The following SYNE1 variants were observed in gnomAD, a reference collection of about 807,000 sequenced individuals.
SYNE1 encodes the protein spectrin repeat containing nuclear envelope protein 1.
Under a neutral mutation model 1,111.0 loss-of-function variants are expected in SYNE1, and 616 were observed. The observed-to-expected ratio is 0.55, with a 90% CI of 0.52 to 0.59. The LOEUF is 0.59. SYNE1 is among the 20% of genes least tolerant of loss of function. The pLI, the probability that SYNE1 is intolerant of heterozygous loss-of-function variation, is 0.00. For missense variants in SYNE1, 10,006 were observed against 10,417.0 expected, an observed-to-expected ratio of 0.96 and a Z score of 1.72; for synonymous variants, 3,855 against 3,825.8, an observed-to-expected ratio of 1.01 and a Z score of -0.28.
intron 141 of SYNE1, 75 bp downstream of exon 141, chr6:152,136,543 A>G: frequency 6.4e-7 from 1 of 1,574,394 alleles, no homozygotes. Context: ...AGAAACCATG[A>G]TACATCAAGT....
Position 152,404,307 on chromosome 6 carries a change from A to C in SYNE1, c.6731T>G (p.Val2244Gly), listed in dbSNP as rs747485399. Residue 2244 changes from valine (V) to glycine (G), a missense_variant, in exon 46 of 146, where the codon GTT becomes GGT. Val to Gly is a moderately radical substitution (Grantham distance 109, BLOSUM62 -3). Transcript: ENST00000367255. ...EELLKEFESE[V>G]KNKALRLEEL... is the part of the protein sequence containing the mutation. ...TTCCAATCTCAATGCTTTGTTTTTA[A>C]CTTCAGACTGCCAAAAGGGAAGAAA... 4 of 1,610,550 alleles carry C rather than the reference A, an allele frequency of 2.5e-6. No homozygotes were observed. Among genetic ancestry groups the C allele is most frequent in the Non-Finnish European group, 3.4e-6 (4 of 1,178,160 alleles).
chr6:152,269,228 C>T lies in SYNE1; in HGVS notation c.18632G>A (p.Gly6211Asp). ...DVDLTATQSP[G>D]VQEWLAQART... ...AGCTTGGGCCAGCCATTCCTGGACG[C>T]CGGGGCTCTGCGTGGCTGTTAGGTC... The change falls in exon 99 of 146, where the codon GGC becomes GAC. Residue 6211 changes from glycine (G) to aspartate (D), a missense_variant. Around this residue, in one of 7 missense-constraint regions of SYNE1, gnomAD observed 2,182 missense variants for 2,287.8 expected, o/e 0.95. Transcript: ENST00000367255. 1 of 1,614,186 alleles carries T rather than the reference C, an allele frequency of 6.2e-7. No individual in the cohort carries two copies. Among genetic ancestry groups the T allele is most frequent in the Non-Finnish European group, 8.5e-7 (1 of 1,180,036 alleles).
chr6:152,622,692 G>A (rs559913051), intron 3 of SYNE1, among the ~76,000 whole-genome samples: 2 of 152,244 alleles, frequency 1.3e-5, no homozygotes, highest in East Asian at 3.9e-4. Context: ...TTGATGCAAT[G>A]TCTTTACTAT....
At chr6:152,574,181 T>C (rs1369603989) in intron 3 of SYNE1, among the ~76,000 whole-genome samples, 2 of 134,576 alleles carry the variant, frequency 1.5e-5, no homozygotes, top group African/African-American at 3.0e-5. Context: ...TACACACATA[T>C]ATATATACAC....
chr6:152,362,465 C>G (rs2096950021), intron 63 of SYNE1, 142 bp from the exon 64 acceptor site: 2 of 1,116,454 alleles, frequency 1.8e-6, no homozygotes, highest in Non-Finnish European at 1.3e-6. Flanking sequence ...GCAGGCTGCC[C>G]AGGGCTTAAG....
chr6:152,156,447 T>C (rs748646224), intron 131 of SYNE1, among the ~76,000 whole-genome samples: 3 of 152,198 alleles, frequency 2.0e-5, no homozygotes, highest in Non-Finnish European at 4.4e-5. Context: ...AATCATCATC[T>C]CTTAGTATCT....
At position 152,465,329 on chromosome 6, in the gene SYNE1, T is replaced by C. The variant is rs146618884; in HGVS notation, c.1861A>G (p.Thr621Ala). 4.3e-6 allele frequency: 7 copies of C among 1,613,784 alleles called. No homozygotes were observed. In the African/African-American group the frequency reaches 6.7e-5, roughly 15 times the overall value. ...VISNWDRYGN[T>A]VASLQAWLED... The stretch of plus-strand genomic sequence containing the variant: ...AGCCAGGCTTGCAGACTAGCCACTG[T>C]ATTGCCATAGCGATCCCAGTTAGAG... Residue 621 changes from threonine (T) to alanine (A), a missense_variant, in exon 18 of 146, where the codon ACA (threonine) becomes GCA (alanine). Coordinates refer to ENST00000367255, the MANE Select transcript of SYNE1 (RefSeq NM_182961.4).
At chr6:152,520,115 C>T (rs550718404) in intron 6 of SYNE1, among the ~76,000 whole-genome samples, 52 of 152,130 alleles carry the variant, frequency 3.4e-4, no homozygotes, top group African/African-American at 1.2e-3. Flanking sequence ...TAGAGTGGGT[C>T]CTGGAACAGA....
chr6:152,428,580 A>G (rs1001380296), intron 36 of SYNE1, among the ~76,000 whole-genome samples, 188 bp from the exon 37 acceptor site: 3 of 152,214 alleles, frequency 2.0e-5, no homozygotes, highest in African/African-American at 7.2e-5. Flanking sequence ...TAGTAGGGGG[A>G]CTATAGGTTA....
At chr6:152,140,203 C>T (rs2058234915) in intron 139 of SYNE1, 42 bp from the exon 140 acceptor site, 1 of 1,596,754 alleles carries the variant, frequency 6.3e-7, no homozygotes, top group East Asian at 2.2e-5. Flanking sequence ...TTTTCCTCTA[C>T]ATGTGATGTT....
At chr6:152,222,423 C>T (rs1325719369) in intron 117 of SYNE1, among the ~76,000 whole-genome samples, 2 of 152,182 alleles carry the variant, frequency 1.3e-5, no homozygotes, top group African/African-American at 4.8e-5. Context: ...TACATACCCG[C>T]AGTGCTTCTA....
At chr6:152,511,711 A>C in intron 6 of SYNE1, 1 of 1,018,364 alleles carries the variant, frequency 9.8e-7, no homozygotes. Context: ...GACTGTGGTA[A>C]TACGTTTTAA....
At chr6:152,492,121 GC>G (rs1564424542) in intron 11 of SYNE1, among the ~76,000 whole-genome samples, 4 of 152,172 alleles carry the variant, frequency 2.6e-5, no homozygotes. Flanking sequence ...TAAAAGCCCA[GC>G]CCAGTTCATG....
Position 152,398,690 on chromosome 6 carries a change from C to G in SYNE1, c.7279G>C (p.Ala2427Pro). The change falls in exon 49 of 146, where the codon GCA becomes CCA. Residue 2427 changes from alanine to proline, a missense_variant. Ala to Pro is a conservative substitution (Grantham distance 27). Around this residue, in one of 7 missense-constraint regions of SYNE1, gnomAD observed 4,955 missense variants for 5,017.2 expected, o/e 0.99. Transcript: ENST00000367255. ...CGATCTGATGATTCTTTTGCTGCTG[C>G]CTTTGCTCCCAAAAACCATTCTTGG... is the stretch of plus-strand genomic sequence containing the variant. Reference protein sequence around the residue: ...EFQEWFLGAKAAAKESSDRTG... With the variant: ...EFQEWFLGAKPAAKESSDRTG... 2 of 1,613,912 alleles carry G rather than the reference C, an allele frequency of 1.2e-6. No homozygotes were observed. Among genetic ancestry groups the G allele is most frequent in the Non-Finnish European group, 1.7e-6 (2 of 1,179,880 alleles).
At chr6:152,154,795 CAT>C (rs1216985750) in intron 133 of SYNE1, 95 bp downstream of exon 133, 15 of 1,372,798 alleles carry the variant, frequency 1.1e-5, no homozygotes, top group South Asian at 1.1e-4. Context: ...GAGCAGATAA[CAT>C]GTGGTGAACA....
At chr6:152,611,630 C>G (rs925358229) in intron 3 of SYNE1, among the ~76,000 whole-genome samples, 7 of 152,176 alleles carry the variant, frequency 4.6e-5, no homozygotes, top group African/African-American at 1.7e-4. Context: ...TTGAACTCAG[C>G]TCTGCACCAA....
In SYNE1 at chr6:152,453,711, T is replaced by C; in HGVS notation, c.2902A>G (p.Ser968Gly). The C allele has an allele frequency of 6.2e-7, 1 of 1,614,120 alleles. No homozygotes were observed. The highest frequency in any genetic ancestry group is 8.5e-7 in the Non-Finnish European group (1 of 1,180,030). Residue 968 changes from serine to glycine, a missense_variant, in exon 25 of 146, where the codon AGT becomes GGT. Physicochemically the swap from Ser to Gly is moderately conservative, Grantham distance 56. This residue lies in a region of SYNE1 where 1,971 missense variants were observed against 2,084.1 expected (regional missense o/e 0.95). Coordinates refer to ENST00000367255, the MANE Select transcript of SYNE1 (RefSeq NM_182961.4). ...TTGAGCACCCTCTGATCCAGCTGACTGAAAAACTCCTGACATGGAAGGGGA... is the reference window on the plus strand; with the variant it reads ...TTGAGCACCCTCTGATCCAGCTGACCGAAAAACTCCTGACATGGAAGGGGA... Reference protein sequence around the residue: ...ELLRRHTEFFSQLDQRVLNAF... With the variant: ...ELLRRHTEFFGQLDQRVLNAF...
At chr6:152,286,203 C>A (rs143795115) in intron 95 of SYNE1, among the ~76,000 whole-genome samples, 39 of 152,168 alleles carry the variant, frequency 2.6e-4, no homozygotes, top group African/African-American at 9.4e-4. Flanking sequence ...TATAAGCACA[C>A]CAACTATATA....
At chr6:152,410,716 G>A (rs1563806095) in intron 42 of SYNE1, among the ~76,000 whole-genome samples, 1 of 152,138 alleles carries the variant, frequency 6.6e-6, no homozygotes, top group Admixed American at 6.6e-5. Context: ...GGGCGATAGA[G>A]GGAGACTATC....
Sources: allele counts gnomAD v4.1 joint callset (sites outside exome capture counted in the v4.1 genomes callset), GRCh38; gene constraint gnomAD v4.1.1; regional missense constraint gnomAD v4.1.1; transcripts MANE v1.5; gene names NCBI Gene and HGNC (gene_info 2026-07-23, HGNC 2026-07-21).